Variants in RUNX2 observed in about 807,000 individuals in gnomAD.
RUNX2 encodes the protein RUNX family transcription factor 2.
Under a neutral mutation model 51.7 loss-of-function variants are expected in RUNX2, and 10 were observed. The ratio of observed to expected loss-of-function variants is 0.19; its 90% CI spans 0.12 to 0.33. The LOEUF is 0.33. Among genes scored for constraint, RUNX2 ranks in the 10% least tolerant of loss-of-function variants. The pLI is 1.00. For missense variants in RUNX2, 562 were observed against 691.3 expected (o/e 0.81, Z 2.10); for synonymous variants, 276 against 273.6 (o/e 1.01, Z -0.09).
intron 2 of RUNX2, among the ~76,000 whole-genome samples, chr6:45,341,703 A>G (rs1789816538): frequency 6.6e-6 from 1 of 152,230 alleles, no homozygotes; most frequent in African/African-American, 2.4e-5. Context: ...AATAACAGAT[A>G]GTTAAAAGTC....
chr6:45,453,444 G>T (rs981409474), intron 5 of RUNX2, among the ~76,000 whole-genome samples: 7 of 152,168 alleles, frequency 4.6e-5, no homozygotes, highest in African/African-American at 1.7e-4. Context: ...TGAAACTGAG[G>T]ATATACTAGG....
chr6:45,466,585 C>T (rs920125216), intron 5 of RUNX2, among the ~76,000 whole-genome samples: 1 of 152,184 alleles, frequency 6.6e-6, no homozygotes, highest in African/African-American at 2.4e-5. Context: ...GCCAGGATGG[C>T]ATTGACATCT....
At chr6:45,430,831 A>G (rs1424681946) in intron 3 of RUNX2, among the ~76,000 whole-genome samples, 2 of 152,166 alleles carry the variant, frequency 1.3e-5, no homozygotes, top group Non-Finnish European at 2.9e-5. Context: ...GAAGACATGG[A>G]AATAATCTGA....
intron 7 of RUNX2, among the ~76,000 whole-genome samples, chr6:45,536,211 G>A (rs1292929163): frequency 6.6e-6 from 1 of 151,980 alleles, no homozygotes; most frequent in East Asian, 1.9e-4. Context: ...TCCTCCTGGG[G>A]CAGGAACCCC....
At chr6:45,405,271 C>T (rs888143020) in intron 2 of RUNX2, among the ~76,000 whole-genome samples, 3 of 152,114 alleles carry the variant, frequency 2.0e-5, no homozygotes, top group South Asian at 2.1e-4. Context: ...TTAATACTTC[C>T]GGCAGCAAAT....
intron 7 of RUNX2, among the ~76,000 whole-genome samples, chr6:45,516,900 G>T (rs911513778): frequency 1.3e-5 from 2 of 152,044 alleles, no homozygotes; most frequent in Non-Finnish European, 2.9e-5. Flanking sequence ...CTTTATTGAG[G>T]CTGATTGTTT....
In RUNX2 at chr6:45,373,403, T is replaced by A. The variant is rs548142033; in HGVS notation, c.58+44619T>A. Among the ~76,000 whole-genome samples the A allele has an allele frequency of 2.0e-5, 3 of 152,284 alleles. No homozygotes were observed. In the South Asian group the frequency reaches 6.2e-4, roughly 32 times the overall value. ...CCTATTAGGTGGGAATATGTTTGGA[T>A]AAATGAGATACAACGGAAGGAACAC... On this transcript the variant is annotated intron_variant, in intron 2 of 8. Transcript: ENST00000647337.
intron 2 of RUNX2, among the ~76,000 whole-genome samples, chr6:45,350,212 A>G (rs534269029): frequency 7.9e-5 from 12 of 152,202 alleles, no homozygotes; most frequent in Non-Finnish European, 1.8e-4. Context: ...ATTCACTGCT[A>G]TATCTCCAGA....
At chr6:45,498,556 T>C (rs1462957112) in intron 6 of RUNX2, among the ~76,000 whole-genome samples, 1 of 152,246 alleles carries the variant, frequency 6.6e-6, no homozygotes, top group African/African-American at 2.4e-5. Flanking sequence ...TAAAATTCAA[T>C]ATAATCATTT....
chr6:45,523,514 A>G (rs897687144), intron 7 of RUNX2, among the ~76,000 whole-genome samples: 6 of 151,528 alleles, frequency 4.0e-5, no homozygotes, highest in African/African-American at 1.5e-4. Context: ...CAGGTGATCT[A>G]CCCGCCTCGG....
At chr6:45,471,084 C>T (rs764642533) in intron 5 of RUNX2, among the ~76,000 whole-genome samples, 61 of 152,304 alleles carry the variant, frequency 4.0e-4, no homozygotes, top group Admixed American at 7.8e-4. Context: ...ACCCAGGAGC[C>T]ATCTTGGGAC....
intron 5 of RUNX2, among the ~76,000 whole-genome samples, chr6:45,485,838 C>T (rs1036444030): frequency 6.6e-6 from 1 of 151,632 alleles, no homozygotes; most frequent in African/African-American, 2.4e-5. Context: ...CCTTCAAGGA[C>T]AGGCATCATG....
chr6:45,453,862 A>G (rs1207438308), intron 5 of RUNX2, among the ~76,000 whole-genome samples: 2 of 152,252 alleles, frequency 1.3e-5, no homozygotes, highest in African/African-American at 4.8e-5. Flanking sequence ...CAGGGATCCA[A>G]GAGTTTTTGG....
At position 45,467,760 on chromosome 6, in the gene RUNX2, A is replaced by C. The variant is rs1293770443; in HGVS notation, c.686-24181A>C. 3.9e-5 allele frequency among the ~76,000 whole-genome samples: 6 copies of C among 152,154 alleles called. No individual in the cohort carries two copies. In the East Asian group the frequency reaches 1.2e-3, roughly 29 times the overall value. Reference sequence around the variant, plus strand: ...CACCTTGACTTAATGAACAACTCCCAAATCTTTATCTTTCATTCTAGCCGT... The same window carrying C: ...CACCTTGACTTAATGAACAACTCCCCAATCTTTATCTTTCATTCTAGCCGT... On this transcript the variant is annotated intron_variant, in intron 5 of 8. Transcript: ENST00000647337.
chr6:45,390,912 A>G (rs1797456373), intron 2 of RUNX2, among the ~76,000 whole-genome samples: 1 of 152,214 alleles, frequency 6.6e-6, no homozygotes, highest in African/African-American at 2.4e-5. Flanking sequence ...CTTCTTTTAA[A>G]TACATAACTT....
At position 45,543,561 on chromosome 6, in the gene RUNX2, T is replaced by C. The variant is rs116440094; in HGVS notation, c.1022-1656T>C. On this transcript the variant is annotated intron_variant, in intron 7 of 8. Transcript: ENST00000647337. ...TTGGTTTTATATTTAGAAAATCAGA[T>C]TGGGGTTGCACTGCTTTTAGAACTC... Among the ~76,000 whole-genome samples, 739 of 152,268 alleles carry C rather than the reference T, an allele frequency of 4.9e-3. 6 individuals carry two copies. Among genetic ancestry groups the C allele is most frequent in the Non-Finnish European group, 8.9e-3 (608 of 68,008 alleles).
At chr6:45,340,169 A>G (rs12214749) in intron 2 of RUNX2, among the ~76,000 whole-genome samples, 34,594 of 152,176 alleles carry the variant, frequency 0.23, 4,619 homozygotes, top group Non-Finnish European at 0.31. Context: ...TAATTATTCT[A>G]AAGTTATTAA....
intron 2 of RUNX2, chr6:45,372,063 A>T: frequency 1.0e-6 from 1 of 957,324 alleles, no homozygotes; most frequent in African/African-American, 1.8e-5. Flanking sequence ...AAAGGCCTCC[A>T]CAATGTGTAT....
intron 7 of RUNX2, among the ~76,000 whole-genome samples, chr6:45,515,761 A>G (rs569613412): frequency 5.3e-5 from 8 of 152,338 alleles, no homozygotes; most frequent in Non-Finnish European, 7.4e-5. Context: ...GCAATTGGGA[A>G]CCATTCACAA....
Sources: allele counts gnomAD v4.1 joint callset (sites outside exome capture counted in the v4.1 genomes callset), GRCh38; gene constraint gnomAD v4.1.1; transcripts MANE v1.5; gene names NCBI Gene and HGNC (gene_info 2026-07-23, HGNC 2026-07-21).